Variants in BMP2K observed in about 807,000 individuals in gnomAD.
BMP2K encodes BMP-2-inducible protein kinase.
BMP2K carries 74 observed loss-of-function variants against 116.0 expected under a neutral mutation model. The ratio of observed to expected loss-of-function variants is 0.64; its 90% CI spans 0.53 to 0.77. The LOEUF (loss-of-function observed/expected upper bound fraction) is 0.77. BMP2K is among the 30% of genes least tolerant of loss of function. The pLI, the probability that BMP2K is intolerant of heterozygous loss-of-function variation, is 0.00. For synonymous variants in BMP2K, 486 were observed against 502.5 expected, an observed-to-expected ratio of 0.97 and a Z score of 0.44; for missense variants, 1,365 against 1,403.6, an observed-to-expected ratio of 0.97 and a Z score of 0.44.
chr4:78,796,357 A>G (rs1170454068), intron 1 of BMP2K, among the ~76,000 whole-genome samples: 6 of 122,040 alleles, frequency 4.9e-5, no homozygotes, highest in Non-Finnish European at 7.9e-5. Flanking sequence ...GGACACAGGA[A>G]GGGGAACATC....
At chr4:78,865,481 T>C (rs1731999258) in intron 9 of BMP2K, 76 bp from the exon 10 acceptor site, 1 of 1,381,182 alleles carries the variant, frequency 7.2e-7, no homozygotes, top group Non-Finnish European at 1.0e-6. Context: ...ATCTGTTGAG[T>C]TGGATGCTTT....
chr4:78,822,601 T>C (rs918221458), intron 1 of BMP2K, among the ~76,000 whole-genome samples: 1 of 152,166 alleles, frequency 6.6e-6, no homozygotes, highest in Admixed American at 6.5e-5. Flanking sequence ...TTTGAGAACA[T>C]TTAGAATGCT....
chr4:78,814,626 C>T (rs1729244916), intron 1 of BMP2K, among the ~76,000 whole-genome samples: 1 of 152,190 alleles, frequency 6.6e-6, no homozygotes, highest in South Asian at 2.1e-4. Context: ...TTTGCTTCCC[C>T]TTCTGCCATG....
chr4:78,860,770 C>CTTTTTTTT (rs139384663), intron 8 of BMP2K, among the ~76,000 whole-genome samples: 2 of 101,920 alleles, frequency 2.0e-5, no homozygotes, highest in Non-Finnish European at 1.9e-5. Context: ...GGTACCTTTC[C>CTTTTTTTT]TTTTTTTTTT....
intron 2 of BMP2K, among the ~76,000 whole-genome samples, chr4:78,827,952 A>C (rs754929216): frequency 2.0e-5 from 3 of 152,170 alleles, no homozygotes; most frequent in Non-Finnish European, 4.4e-5. Flanking sequence ...TGTACTGTCC[A>C]AGTGTCCAGT....
chr4:78,897,186 TG>T (rs1733748502), intron 15 of BMP2K, among the ~76,000 whole-genome samples: 1 of 143,756 alleles, frequency 7.0e-6, no homozygotes, highest in Non-Finnish European at 1.5e-5. Flanking sequence ...CTTAAGAAAA[TG>T]TTTTTTTGAT....
intron 7 of BMP2K, among the ~76,000 whole-genome samples, chr4:78,856,086 C>T (rs1731493459): frequency 6.6e-6 from 1 of 152,084 alleles, no homozygotes; most frequent in Non-Finnish European, 1.5e-5. Flanking sequence ...GTTTTATTGT[C>T]ATGAAGTAGC....
At chr4:78,863,628 A>G (rs1380835130) in intron 9 of BMP2K, among the ~76,000 whole-genome samples, 1 of 152,154 alleles carries the variant, frequency 6.6e-6, no homozygotes, top group Non-Finnish European at 1.5e-5. Context: ...GGCAAGGAGA[A>G]AAGAAGGGAA....
chr4:78,786,709 T>G lies in BMP2K; in HGVS notation c.178+9988T>G, dbSNP rs866925679. Among the ~76,000 whole-genome samples, 7 of 152,296 alleles carry G rather than the reference T, an allele frequency of 4.6e-5. No individual in the cohort carries two copies. The Middle Eastern group carries it at 0.01, about 222-fold the overall frequency. Reference sequence around the variant, plus strand: ...TGTAGGATATATTTAAAATAGTTACTTTTTTGTAATCTTTATTTTTTCCTG... The same window carrying G: ...TGTAGGATATATTTAAAATAGTTACGTTTTTGTAATCTTTATTTTTTCCTG... On this transcript the variant is annotated intron_variant, in intron 1 of 15. Transcript: ENST00000502613.
chr4:78,911,675 A>G lies in BMP2K; in HGVS notation c.3128A>G (p.Glu1043Gly). ...NEFLTISDSKENISVALTDGK... is the reference protein window; with the variant it reads ...NEFLTISDSKGNISVALTDGK... ...TTTTTAACCATCTCAGACTCCAAGGAGAACATTAGTGTTGCACTGACTGAT... is the reference window on the plus strand; with the variant it reads ...TTTTTAACCATCTCAGACTCCAAGGGGAACATTAGTGTTGCACTGACTGAT... The change falls in exon 16 of 16, where the codon GAG becomes GGG. Residue 1043 changes from glutamate to glycine, a missense_variant. Physicochemically the swap from Glu to Gly is moderately conservative, Grantham distance 98 (BLOSUM62 -2). Coordinates refer to ENST00000502613, the MANE Select transcript of BMP2K (RefSeq NM_198892.2). The G allele has an allele frequency of 6.2e-7, 1 of 1,613,910 alleles. No homozygotes were observed. Among genetic ancestry groups the G allele is most frequent in the Non-Finnish European group, 8.5e-7 (1 of 1,179,860 alleles).
At chr4:78,808,181 C>T (rs998112736) in intron 1 of BMP2K, among the ~76,000 whole-genome samples, 4 of 150,632 alleles carry the variant, frequency 2.7e-5, no homozygotes, top group Non-Finnish European at 5.9e-5. Context: ...CAGCCTCCCG[C>T]GTAGCTGGGA....
chr4:78,817,820 C>A (rs1729426089), intron 1 of BMP2K, among the ~76,000 whole-genome samples: 2 of 152,104 alleles, frequency 1.3e-5, no homozygotes, highest in East Asian at 3.8e-4. Context: ...CATTCTGAAG[C>A]TATGTAGGGG....
intron 15 of BMP2K, among the ~76,000 whole-genome samples, chr4:78,898,389 AGTG>A (rs929586876): frequency 4.6e-5 from 7 of 151,936 alleles, no homozygotes; most frequent in African/African-American, 1.7e-4. Flanking sequence ...TTTAGATTCT[AGTG>A]TATGATTCTT....
intron 1 of BMP2K, among the ~76,000 whole-genome samples, chr4:78,787,963 A>G (rs527652026): frequency 4.1e-4 from 63 of 152,260 alleles, no homozygotes; most frequent in African/African-American, 1.4e-3. Flanking sequence ...AGCTTTATAC[A>G]TAAGTATTCT....
intron 7 of BMP2K, among the ~76,000 whole-genome samples, chr4:78,854,788 T>C (rs1236429417): frequency 2.0e-5 from 3 of 152,246 alleles, no homozygotes; most frequent in South Asian, 2.1e-4. Flanking sequence ...TAATAATCTC[T>C]ACAAATACAG....
rs978315572 is a variant in BMP2K at position 78,879,381 on chromosome 4, G to A, written c.1951+490G>A. 4.9e-5 allele frequency: 48 copies of A among 985,838 alleles called. No homozygotes were observed. In the African/African-American group the frequency reaches 8.0e-4, roughly 17 times the overall value. 61.1% of individuals were successfully genotyped at this position (985,838 alleles called of 1,614,324 possible). A position where few individuals can be genotyped will look rare whatever the true frequency, so the allele number is the denominator to read the frequency against. ...TTTTAATGAGTGGTGACATAAAAGG[G>A]CTGCTTTGTTGTCCTGATATGGCAA... On this transcript the variant is annotated intron_variant, in intron 14 of 15. Transcript: ENST00000502613.
rs891541019 is a variant in BMP2K, at chr4:78,915,033, T to C, written c.*3000T>C. ...GAATGTATCTGCTAAGACACAAAAA[T>C]TGCATGGTAAGTATAATAGGTGGAG... On this transcript the variant is annotated 3_prime_UTR_variant, in exon 16 of 16. Coordinates refer to ENST00000502613, the MANE Select transcript of BMP2K (RefSeq NM_198892.2). The C allele has an allele frequency of 6.6e-6, 1 of 151,966 alleles. No individual in the cohort carries two copies. The highest frequency in any genetic ancestry group is 1.5e-5 in the Non-Finnish European group (1 of 67,926). The allele number at this position is 151,966 out of a possible 1,614,324, so 9.4% of individuals were successfully genotyped here. A position where few individuals can be genotyped will look rare whatever the true frequency, so the allele number is the denominator to read the frequency against.
intron 2 of BMP2K, among the ~76,000 whole-genome samples, chr4:78,830,930 T>A (rs189993393): frequency 6.6e-6 from 1 of 152,318 alleles, no homozygotes; most frequent in East Asian, 1.9e-4. Flanking sequence ...TCCATGGGAG[T>A]AGCACTTTTA....
chr4:78,844,547 G>C lies in BMP2K; in HGVS notation c.547-381G>C, dbSNP rs770462282. Among the ~76,000 whole-genome samples, 37 of 151,712 alleles carry C rather than the reference G, an allele frequency of 2.4e-4. No individual in the cohort carries two copies. The South Asian group carries it at 2.9e-3, about 12-fold the overall frequency. ...AAAAGAGAGAAGCTGGACTCTGCCA[G>C]GTACTAGTTCTTCTCTTTTATAAAA... On this transcript the variant is annotated intron_variant, in intron 4 of 15. Transcript: ENST00000502613.
Sources: gnomAD v4.1 joint callset for allele counts (sites outside exome capture counted in the v4.1 genomes callset) on GRCh38, gnomAD v4.1.1 for gene constraint, MANE v1.5 for transcripts, NCBI Gene and HGNC (gene_info 2026-07-23, HGNC 2026-07-21) for gene names.